CWF19L2: variants seen among roughly 807,000 people sequenced by gnomAD.
CWF19L2 encodes CWF19-like protein 2.
In CWF19L2, 98 loss-of-function variants were observed where a neutral mutation model predicts 111.7. The ratio of observed to expected loss-of-function variants is 0.88; its 90% CI spans 0.75 to 1.04. CWF19L2 has a LOEUF of 1.04. Among genes scored for constraint, CWF19L2 ranks in the 50% least tolerant of loss-of-function variants. The probability of loss-of-function intolerance (pLI) is 0.00; values close to 1 mark genes in which losing one functional copy is unlikely to be tolerated. For missense variants in CWF19L2, 1,101 were observed against 1,051.4 expected (o/e 1.05, Z -0.65); for synonymous variants, 351 against 342.9 (o/e 1.02, Z -0.26).
chr11:107,435,697 T>C (rs1861531195), intron 6 of CWF19L2, among the ~76,000 whole-genome samples: 1 of 152,074 alleles, frequency 6.6e-6, no homozygotes, highest in Non-Finnish European at 1.5e-5. Context: ...TAATTAGAGA[T>C]GGCAATAATG....
chr11:107,344,227 G>C (rs967513586), intron 14 of CWF19L2, among the ~76,000 whole-genome samples: 1 of 151,904 alleles, frequency 6.6e-6, no homozygotes, highest in African/African-American at 2.4e-5. Flanking sequence ...AAAGTTTCTG[G>C]GGCTGCCAGC....
chr11:107,419,749 CA>C (rs2135400702), intron 8 of CWF19L2, among the ~76,000 whole-genome samples: 1 of 152,164 alleles, frequency 6.6e-6, no homozygotes, highest in East Asian at 1.9e-4. Context: ...AAAAATGAAA[CA>C]GAGAAAAGAA....
chr11:107,328,300 A>G (rs149660286), intron 17 of CWF19L2, among the ~76,000 whole-genome samples: 16 of 152,300 alleles, frequency 1.1e-4, no homozygotes, highest in African/African-American at 3.6e-4. Context: ...GTTTCTCAGC[A>G]TCGGTCCAAA....
chr11:107,425,740 G>T (rs1309486219), intron 8 of CWF19L2, among the ~76,000 whole-genome samples: 3 of 151,940 alleles, frequency 2.0e-5, no homozygotes, highest in Admixed American at 1.3e-4. Context: ...AGCATCCTTT[G>T]CTTGCCCTTC....
intron 12 of CWF19L2, among the ~76,000 whole-genome samples, chr11:107,386,892 A>C (rs1860774442): frequency 6.6e-6 from 1 of 152,032 alleles, no homozygotes. Context: ...CGTCTCTACT[A>C]AAAACACAAA....
intron 12 of CWF19L2, among the ~76,000 whole-genome samples, chr11:107,355,683 G>C (rs955011862): frequency 6.6e-6 from 1 of 151,908 alleles, no homozygotes; most frequent in African/African-American, 2.4e-5. Flanking sequence ...AATTTTAAGA[G>C]GACATAACAA....
intron 12 of CWF19L2, among the ~76,000 whole-genome samples, chr11:107,372,355 G>A (rs984233106): frequency 6.5e-5 from 8 of 124,024 alleles, no homozygotes; most frequent in Admixed American, 1.6e-4. Context: ...ACTAGATAAA[G>A]GGGGATAAAA....
chr11:107,344,832 T>TA (rs1282384245), intron 14 of CWF19L2, among the ~76,000 whole-genome samples: 1 of 152,236 alleles, frequency 6.6e-6, no homozygotes, highest in Non-Finnish European at 1.5e-5. Context: ...TTGTTTTATA[T>TA]GGCTTTTCCT....
At chr11:107,365,100 T>C (rs1486249940) in intron 12 of CWF19L2, among the ~76,000 whole-genome samples, 5 of 131,664 alleles carry the variant, frequency 3.8e-5, no homozygotes, top group Admixed American at 3.1e-4. Flanking sequence ...CCTCGACACA[T>C]ACACTCTCCC....
In CWF19L2 at chr11:107,433,681, C is replaced by T; in HGVS notation, c.733G>A (p.Glu245Lys). 2 of 1,592,828 alleles carry T rather than the reference C, an allele frequency of 1.3e-6. No individual in the cohort carries two copies. The highest frequency in any genetic ancestry group is 8.6e-7 in the Non-Finnish European group (1 of 1,168,922). The change falls in exon 7 of 18, where the codon GAG (glutamate) becomes AAG (lysine). Residue 245 changes from glutamate to lysine, a missense_variant. Physicochemically the swap from Glu to Lys is moderately conservative, Grantham distance 56. Coordinates refer to ENST00000282251, the MANE Select transcript of CWF19L2 (RefSeq NM_152434.3). ...KSYLRMKEQAEKQSRNFEDIV... is the reference protein window; with the variant it reads ...KSYLRMKEQAKKQSRNFEDIV... The stretch of plus-strand genomic sequence containing the variant: ...TCCTCAAAGTTTCTACTTTGTTTCT[C>T]AGCTTGTTCCTTCATTCTTAGATAA...
chr11:107,378,859 G>GAT (rs2134580968), intron 12 of CWF19L2, among the ~76,000 whole-genome samples: 1 of 151,896 alleles, frequency 6.6e-6, no homozygotes, highest in Non-Finnish European at 1.5e-5. Flanking sequence ...AAAAAAGAAA[G>GAT]ATAGCATCGA....
intron 12 of CWF19L2, among the ~76,000 whole-genome samples, 167 bp from the exon 13 acceptor site, chr11:107,353,903 T>C (rs1860197237): frequency 6.6e-6 from 1 of 152,166 alleles, no homozygotes; most frequent in Non-Finnish European, 1.5e-5. Context: ...AGTCAATCTA[T>C]CATCATCATC....
At chr11:107,445,872 C>G (rs536728888) in intron 3 of CWF19L2, among the ~76,000 whole-genome samples, 143 of 152,306 alleles carry the variant, frequency 9.4e-4, no homozygotes, top group African/African-American at 3.3e-3. Flanking sequence ...TAATGTACTT[C>G]CCATGCTAGA....
rs931023806 is a variant in CWF19L2, at chr11:107,416,309, A to T, written c.1528-11T>A. The T allele has an allele frequency of 1.6e-6, 2 of 1,217,600 alleles. No homozygotes were observed. The highest frequency in any genetic ancestry group is 2.3e-6 in the Non-Finnish European group (2 of 883,550). The allele number at this position is 1,217,600 out of a possible 1,614,324, so 75.4% of individuals were successfully genotyped here. A position where few individuals can be genotyped will look rare whatever the true frequency, so the allele number is the denominator to read the frequency against. On this transcript the variant is annotated splice_polypyrimidine_tract_variant and intron_variant, in intron 9 of 17. Coordinates refer to ENST00000282251, the MANE Select transcript of CWF19L2 (RefSeq NM_152434.3). ...TTGTTCAGCTAATTCCTTCAAAAAG[A>T]AAAACAAGTAAAATATGTGCGATAT...
At chr11:107,448,071 C>A (rs779531478) in intron 3 of CWF19L2, among the ~76,000 whole-genome samples, 4 of 152,150 alleles carry the variant, frequency 2.6e-5, no homozygotes, top group African/African-American at 7.2e-5. Flanking sequence ...GTCGGCCAGG[C>A]GCAGTGGCTC....
At chr11:107,362,243 G>C (rs1213007216) in intron 12 of CWF19L2, among the ~76,000 whole-genome samples, 1 of 152,138 alleles carries the variant, frequency 6.6e-6, no homozygotes, top group South Asian at 2.1e-4. Context: ...GCGAGGCAGG[G>C]GGAAGGGGCG....
intron 12 of CWF19L2, among the ~76,000 whole-genome samples, chr11:107,364,450 G>C (rs908465736): frequency 6.7e-6 from 1 of 148,286 alleles, no homozygotes; most frequent in African/African-American, 2.5e-5. Flanking sequence ...AAATGTAAAA[G>C]AACAGAAATT....
At position 107,368,951 on chromosome 11, in the gene CWF19L2, G is replaced by C. The variant is rs539346; in HGVS notation, c.1873-15215C>G. Among the ~76,000 whole-genome samples, 984 of 137,286 alleles carry C rather than the reference G, an allele frequency of 7.2e-3. 223 individuals carry two copies. The highest frequency in any genetic ancestry group is 0.027 in the African/African-American group (929 of 34,404). The allele number at this position is 137,286 out of a possible 152,430, so 90.1% of individuals were successfully genotyped here. A position where few individuals can be genotyped will look rare whatever the true frequency, so the allele number is the denominator to read the frequency against. On this transcript the variant is annotated intron_variant, in intron 12 of 17. Coordinates refer to ENST00000282251, the MANE Select transcript of CWF19L2 (RefSeq NM_152434.3). ...CAACTGATATCACAGAAATACAAAA[G>C]AGCATCAGAGACTATGATGATCAAC... is the stretch of plus-strand genomic sequence containing the variant.
intron 3 of CWF19L2, among the ~76,000 whole-genome samples, chr11:107,448,742 C>T (rs1861736877): frequency 6.6e-6 from 1 of 152,034 alleles, no homozygotes; most frequent in African/African-American, 2.4e-5. Flanking sequence ...TAAAACATAG[C>T]CCAAGAGCAC....
Sources: gnomAD v4.1 joint callset for allele counts (sites outside exome capture counted in the v4.1 genomes callset) on GRCh38, gnomAD v4.1.1 for gene constraint, MANE v1.5 for transcripts, NCBI Gene and HGNC (gene_info 2026-07-23, HGNC 2026-07-21) for gene names.